The following RFC3 variants were observed in gnomAD, a reference collection of about 807,000 sequenced individuals.
RFC3 encodes A1 38 kDa subunit.
In RFC3, 41 loss-of-function variants were observed where a neutral mutation model predicts 45.1. That is an observed-to-expected ratio of 0.91 (90% CI 0.71 to 1.18). The LOEUF (loss-of-function observed/expected upper bound fraction) is 1.18. Among genes scored for constraint, RFC3 ranks in the 50% most tolerant of loss-of-function variants. The pLI is 0.00. For synonymous variants in RFC3, 149 were observed against 144.0 expected, an observed-to-expected ratio of 1.03 and a Z score of -0.25; for missense variants, 423 against 428.1, an observed-to-expected ratio of 0.99 and a Z score of 0.10.
chr13:33,874,464 T>C (rs904109854), intron 8 of RFC3, among the ~76,000 whole-genome samples: 2 of 152,172 alleles, frequency 1.3e-5, no homozygotes, highest in African/African-American at 4.8e-5. Flanking sequence ...ATTACAGGCA[T>C]GCGCCACCAC....
At chr13:33,952,127 C>G (rs1276708332) in intron 8 of RFC3, among the ~76,000 whole-genome samples, 2 of 152,194 alleles carry the variant, frequency 1.3e-5, no homozygotes, top group African/African-American at 2.4e-5. Flanking sequence ...GAAAAGAGCT[C>G]ATGGTTTAGC....
chr13:33,975,509 CAGCAAAAA>C, the RFC3 span, among the ~76,000 whole-genome samples: 43 of 152,164 alleles, frequency 2.8e-4, no homozygotes, highest in Non-Finnish European at 5.3e-4. Flanking sequence ...TAGAACTTTA[CAGCAAAAA>C]AGTAATTTAT....
chr13:33,862,255 G>GTTTT lies in RFC3; in HGVS notation c.879+27052_879+27055dup, dbSNP rs142905743. Among the ~76,000 whole-genome samples the GTTTT allele has an allele frequency of 7.0e-4, 95 of 134,830 alleles. 5 individuals carry two copies. The highest frequency in any genetic ancestry group is 6.8e-4 in the Non-Finnish European group (43 of 63,656). 88.5% of individuals were successfully genotyped at this position (134,830 alleles called of 152,430 possible). On this transcript the variant is annotated intron_variant, in intron 8 of 8. Coordinates refer to the RFC3 transcript ENST00000434425. ...GGTAATTAAATCCAATCTCAGCAAA[G>GTTTT]TTTTTTTTTTTTTTTTTGTCTGACA... is the stretch of plus-strand genomic sequence containing the variant.
At chr13:33,937,162 T>C (rs908115738) in intron 8 of RFC3, among the ~76,000 whole-genome samples, 3 of 152,186 alleles carry the variant, frequency 2.0e-5, no homozygotes, top group African/African-American at 7.2e-5. Context: ...AAGATTACAA[T>C]ACCATATGTT....
intron 8 of RFC3, among the ~76,000 whole-genome samples, chr13:33,901,208 G>A (rs1397208160): frequency 6.6e-6 from 1 of 151,946 alleles, no homozygotes; most frequent in Non-Finnish European, 1.5e-5. Flanking sequence ...CCACAAGAAA[G>A]TAAATCAACA....
At chr13:33,843,951 A>G (rs957456213) in intron 8 of RFC3, among the ~76,000 whole-genome samples, 6 of 152,170 alleles carry the variant, frequency 3.9e-5, no homozygotes, top group African/African-American at 1.4e-4. Context: ...TATGCAACCT[A>G]TATTCTCCTA....
rs747989879 is a variant in RFC3, at chr13:33,829,914, C to G, written c.470C>G (p.Ser157Cys). 6.2e-7 allele frequency: 1 copy of G among 1,613,980 alleles called. No individual in the cohort carries two copies. The highest frequency in any genetic ancestry group is 2.2e-5 in the East Asian group (1 of 44,882). ...ALRRTMEKYM[S>C]TCRLILCCNS... is the part of the protein sequence containing the mutation. ...CGAAGAACCATGGAAAAATATATGT[C>G]TACCTGCAGATTGATCTTGTGCTGC... The change falls in exon 5 of 9, where the codon TCT becomes TGT. Residue 157 changes from serine to cysteine, a missense_variant. Ser to Cys is a moderately radical substitution (Grantham distance 112). Transcript: ENST00000380071.
intron 8 of RFC3, among the ~76,000 whole-genome samples, chr13:33,900,945 G>T (rs117004002): frequency 0.063 from 9,527 of 151,796 alleles, 725 homozygotes; most frequent in African/African-American, 0.18. Context: ...ATGAAAAAAT[G>T]CTCAACATCA....
intron 8 of RFC3, among the ~76,000 whole-genome samples, chr13:33,917,414 T>C (rs1337212197): frequency 6.6e-6 from 1 of 152,184 alleles, no homozygotes; most frequent in Non-Finnish European, 1.5e-5. Flanking sequence ...CCTTTTAATA[T>C]TGCAGCACAC....
chr13:33,865,523 G>C (rs1285461965), intron 8 of RFC3, among the ~76,000 whole-genome samples: 1 of 152,120 alleles, frequency 6.6e-6, no homozygotes, highest in Non-Finnish European at 1.5e-5. Context: ...AAATCTACAG[G>C]GAAATGAATT....
intron 8 of RFC3, among the ~76,000 whole-genome samples, chr13:33,861,071 A>G (rs2082338032): frequency 6.6e-6 from 1 of 152,144 alleles, no homozygotes; most frequent in South Asian, 2.1e-4. Flanking sequence ...GCTGAGAAAC[A>G]TATTTGAACA....
chr13:33,821,856 T>G (rs2082006621), intron 2 of RFC3, among the ~76,000 whole-genome samples: 1 of 152,278 alleles, frequency 6.6e-6, no homozygotes, highest in Admixed American at 6.5e-5. Context: ...GAATTAACTT[T>G]TCTTCTACAA....
intron 1 of RFC3, among the ~76,000 whole-genome samples, chr13:33,820,846 C>T (rs2081995278): frequency 6.6e-6 from 1 of 151,084 alleles, no homozygotes; most frequent in African/African-American, 2.4e-5. Context: ...CTTGCATGTG[C>T]TGTCACGTAT....
At chr13:33,921,273 C>T (rs577481993) in intron 8 of RFC3, among the ~76,000 whole-genome samples, 145 of 152,288 alleles carry the variant, frequency 9.5e-4, no homozygotes, top group African/African-American at 3.4e-3. Flanking sequence ...CAGCAGTGAA[C>T]TTCCAGCTCT....
At chr13:33,900,044 A>G (rs1269400230) in intron 8 of RFC3, among the ~76,000 whole-genome samples, 1 of 151,998 alleles carries the variant, frequency 6.6e-6, no homozygotes, top group African/African-American at 2.4e-5. Flanking sequence ...ACAAAAAATG[A>G]AAGCACATTC....
chr13:33,829,652 T>C, intron 4 of RFC3, 184 bp from the exon 5 acceptor site: 1 of 610,716 alleles, frequency 1.6e-6, no homozygotes, highest in Non-Finnish European at 2.9e-6. Context: ...TGGAGTATGA[T>C]TGTAGCATTT....
At chr13:33,840,892 A>G (rs1297206219), downstream of RFC3, among the ~76,000 whole-genome samples, 2 of 152,234 alleles carry the variant, frequency 1.3e-5, no homozygotes, top group African/African-American at 4.8e-5. Context: ...AAATTTATCA[A>G]AACTTTCACA....
intron 8 of RFC3, among the ~76,000 whole-genome samples, chr13:33,854,447 TTAAA>T (rs1304003162): frequency 6.6e-6 from 1 of 152,148 alleles, no homozygotes; most frequent in Non-Finnish European, 1.5e-5. Context: ...CACAGGGAAA[TTAAA>T]TACCAATGCA....
At chr13:33,927,979 C>G (rs1177471954) in intron 8 of RFC3, among the ~76,000 whole-genome samples, 2 of 152,104 alleles carry the variant, frequency 1.3e-5, no homozygotes, top group Non-Finnish European at 2.9e-5. Flanking sequence ...ATGGGCAAGG[C>G]ACTGTTAACA....
Sources: allele counts gnomAD v4.1 joint callset (sites outside exome capture counted in the v4.1 genomes callset), GRCh38; gene constraint gnomAD v4.1.1; transcripts MANE v1.5; gene names NCBI Gene and HGNC (gene_info 2026-07-23, HGNC 2026-07-21).